Variants in AIMP1 observed in about 807,000 individuals in gnomAD.
AIMP1 encodes aminoacyl tRNA synthase complex-interacting multifunctional protein 1.
Under a neutral mutation model 33.1 loss-of-function variants are expected in AIMP1, and 24 were observed. The ratio of observed to expected loss-of-function variants is 0.73; its 90% CI spans 0.53 to 1.02. The LOEUF is 1.02. Among genes scored for constraint, AIMP1 ranks in the 50% least tolerant of loss-of-function variants. The pLI is 0.00. For missense variants in AIMP1, 367 were observed against 364.8 expected (o/e 1.01, Z -0.05); for synonymous variants, 120 against 121.5 (o/e 0.99, Z 0.08).
intron 6 of AIMP1, among the ~76,000 whole-genome samples, chr4:106,343,444 A>T (rs1579646970): frequency 6.6e-6 from 1 of 152,326 alleles, no homozygotes; most frequent in East Asian, 1.9e-4. Flanking sequence ...GCATGGAATA[A>T]TTTCCTTGGA....
chr4:106,316,390 A>C, upstream of AIMP1: 5 of 682,304 alleles, frequency 7.3e-6, no homozygotes, highest in East Asian at 2.9e-5. Flanking sequence ...GGGTGAGGGA[A>C]TGGAAGACGA....
rs556322116 is a variant in AIMP1, at chr4:106,349,073, A to T, written c.*1381A>T. ...ATCCATGGAACTCTGGTAGGCCAGGATATATTATAGTACCATTATCAATGT... is the reference window on the plus strand; with the variant it reads ...ATCCATGGAACTCTGGTAGGCCAGGTTATATTATAGTACCATTATCAATGT... On this transcript the variant is annotated 3_prime_UTR_variant, in exon 7 of 7. Coordinates refer to ENST00000672341, the MANE Select transcript of AIMP1 (RefSeq NM_001142416.2). The T allele has an allele frequency of 6.6e-6, 1 of 152,104 alleles. No homozygotes were observed. Among genetic ancestry groups the T allele is most frequent in the African/African-American group, 2.4e-5 (1 of 41,422 alleles). 9.4% of individuals were successfully genotyped at this position (152,104 alleles called of 1,614,324 possible). A position where few individuals can be genotyped will look rare whatever the true frequency, so the allele number is the denominator to read the frequency against.
At chr4:106,331,994 A>G (rs907256048) in intron 5 of AIMP1, 111 bp downstream of exon 5, 34 of 1,048,842 alleles carry the variant, frequency 3.2e-5, no homozygotes, top group Non-Finnish European at 4.7e-5. Context: ...GCCCTTGTTA[A>G]TTAGTTCAGT....
At chr4:106,326,659 CATG>C (rs1158994668) in intron 2 of AIMP1, among the ~76,000 whole-genome samples, 52 of 152,190 alleles carry the variant, frequency 3.4e-4, no homozygotes, top group African/African-American at 1.1e-3. Context: ...AAAAGAAAGA[CATG>C]AGAATAGTTT....
intron 6 of AIMP1, among the ~76,000 whole-genome samples, chr4:106,339,839 TA>T (rs1770027775): frequency 6.6e-6 from 1 of 152,212 alleles, no homozygotes; most frequent in Admixed American, 6.5e-5. Context: ...CATATGTTTT[TA>T]CTCAAATTCA....
In AIMP1 at chr4:106,325,129, T is replaced by C. The variant is rs751163299; in HGVS notation, c.109+11T>C. The C allele has an allele frequency of 6.2e-7, 1 of 1,604,252 alleles. No individual in the cohort carries two copies. The highest frequency in any genetic ancestry group is 8.5e-7 in the Non-Finnish European group (1 of 1,174,170). ...TTAAGGAGAAAGCAAGTAAGAAAAT[T>C]TAAAATTTTTTGAGGAGATACTTAA... On this transcript the variant is annotated intron_variant, in intron 2 of 6. Transcript: ENST00000672341.
intron 5 of AIMP1, among the ~76,000 whole-genome samples, chr4:106,333,408 T>C (rs1769752743): frequency 6.6e-6 from 1 of 152,310 alleles, no homozygotes; most frequent in South Asian, 2.1e-4. Flanking sequence ...ACAGTACGGG[T>C]AATGGATCAA....
intron 1 of AIMP1, among the ~76,000 whole-genome samples, chr4:106,323,605 TAA>T (rs55681102): frequency 2.6e-4 from 35 of 135,288 alleles, no homozygotes; most frequent in Non-Finnish European, 2.7e-4. Flanking sequence ...AAAGTTAAAG[TAA>T]AAAAAAAAAA....
intron 6 of AIMP1, among the ~76,000 whole-genome samples, chr4:106,342,372 G>A (rs1770130127): frequency 1.3e-5 from 2 of 152,150 alleles, no homozygotes; most frequent in African/African-American, 4.8e-5. Flanking sequence ...CAGTTTTCAA[G>A]GGAAATGGTT....
upstream of AIMP1, chr4:106,316,160 G>C (rs547298626): frequency 6.0e-6 from 1 of 166,754 alleles, no homozygotes; most frequent in South Asian, 1.8e-4. Flanking sequence ...ACCCGGCGAG[G>C]AGCGCAAGCC....
At chr4:106,337,137 G>A in intron 6 of AIMP1, 100 bp downstream of exon 6, 1 of 1,109,370 alleles carries the variant, frequency 9.0e-7, no homozygotes, top group Non-Finnish European at 1.4e-6. Context: ...TAAGAATCAT[G>A]AGTCTTACAT....
At chr4:106,319,739 CA>C (rs1461858637) in intron 1 of AIMP1, among the ~76,000 whole-genome samples, 1 of 152,094 alleles carries the variant, frequency 6.6e-6, no homozygotes, top group Non-Finnish European at 1.5e-5. Context: ...AATTTTTTTA[CA>C]TTTTAGTCCA....
intron 4 of AIMP1, among the ~76,000 whole-genome samples, chr4:106,329,930 A>G (rs1042481248): frequency 6.6e-6 from 1 of 151,812 alleles, no homozygotes; most frequent in African/African-American, 2.4e-5. Flanking sequence ...CTACAGGTGC[A>G]TGCCGCCATG....
chr4:106,319,200 C>A (rs1289373503), intron 1 of AIMP1, among the ~76,000 whole-genome samples: 3 of 152,050 alleles, frequency 2.0e-5, no homozygotes, highest in African/African-American at 7.2e-5. Flanking sequence ...AAAGTAGTAA[C>A]TTACTTATGT....
chr4:106,336,802 A>G, intron 5 of AIMP1, 67 bp from the exon 6 acceptor site: 1 of 1,424,180 alleles, frequency 7.0e-7, no homozygotes, highest in African/African-American at 1.4e-5. Context: ...GTGTAGCTTA[A>G]TGTAGTCTGG....
chr4:106,328,207 G>A lies in AIMP1; in HGVS notation c.355G>A (p.Asp119Asn). 6.2e-7 allele frequency: 1 copy of A among 1,612,108 alleles called. No individual in the cohort carries two copies. The highest frequency in any genetic ancestry group is 8.5e-7 in the Non-Finnish European group (1 of 1,178,678). ...AGAACAGATAAAAGGAGGAACAGGA[G>A]ACGAAAAGAAAGCGAAAGAGAAAAT... ...TKEQIKGGTGDEKKAKEKIEK... is the reference protein window; with the variant it reads ...TKEQIKGGTGNEKKAKEKIEK... Residue 119 changes from aspartate to asparagine, a missense_variant, in exon 4 of 7, where the codon GAC (aspartate) becomes AAC (asparagine). By Grantham distance (23) the Asp-to-Asn change is conservative (BLOSUM62 1). Coordinates refer to ENST00000672341, the MANE Select transcript of AIMP1 (RefSeq NM_001142416.2).
chr4:106,345,270 A>G (rs1386099823), intron 6 of AIMP1, among the ~76,000 whole-genome samples: 1 of 152,104 alleles, frequency 6.6e-6, no homozygotes, highest in Admixed American at 6.6e-5. Context: ...TTCTTAACTA[A>G]CTCATTATCA....
At chr4:106,346,647 C>T (rs1293627557) in intron 6 of AIMP1, among the ~76,000 whole-genome samples, 1 of 152,098 alleles carries the variant, frequency 6.6e-6, no homozygotes, top group Non-Finnish European at 1.5e-5. Context: ...AAAATTTAAG[C>T]CATTCTCCAG....
intron 1 of AIMP1, among the ~76,000 whole-genome samples, chr4:106,316,983 G>C (rs1021242971): frequency 9.2e-5 from 14 of 152,160 alleles, no homozygotes; most frequent in South Asian, 4.1e-4. Context: ...TAGGCATTAG[G>C]TGAACAGCAG....
Sources: allele counts gnomAD v4.1 joint callset (sites outside exome capture counted in the v4.1 genomes callset), GRCh38; gene constraint gnomAD v4.1.1; transcripts MANE v1.5; gene names NCBI Gene and HGNC (gene_info 2026-07-23, HGNC 2026-07-21).